The following PLPPR1 variants were observed in gnomAD, a reference collection of about 807,000 sequenced individuals.
PLPPR1 encodes the protein phospholipid phosphatase related 1.
Under a neutral mutation model 33.1 loss-of-function variants are expected in PLPPR1, and 10 were observed. That is an observed-to-expected ratio of 0.30 (90% CI 0.19 to 0.51). PLPPR1 has a LOEUF of 0.51. Among genes scored for constraint, PLPPR1 ranks in the 20% least tolerant of loss-of-function variants. The pLI is 0.97. For missense variants in PLPPR1, 304 were observed against 408.1 expected (o/e 0.74, Z 2.20); for synonymous variants, 151 against 151.0 (o/e 1.00, Z 0.00).
chr9:101,074,611 T>C (rs1426604858), intron 1 of PLPPR1, among the ~76,000 whole-genome samples: 2 of 152,134 alleles, frequency 1.3e-5, no homozygotes, highest in African/African-American at 4.8e-5. Context: ...TCTCTAACTA[T>C]GACTTTGTGC....
chr9:101,050,634 A>G (rs1351174965), intron 1 of PLPPR1, among the ~76,000 whole-genome samples: 1 of 152,196 alleles, frequency 6.6e-6, no homozygotes, highest in African/African-American at 2.4e-5. Flanking sequence ...TGCACCCAGA[A>G]GAGGGAGGAG....
chr9:101,201,753 CAT>C (rs1393155374), intron 2 of PLPPR1, among the ~76,000 whole-genome samples: 1 of 152,110 alleles, frequency 6.6e-6, no homozygotes, highest in Non-Finnish European at 1.5e-5. Flanking sequence ...TTTCTTATCA[CAT>C]AGTTTTATTC....
chr9:101,282,131 A>G (rs1044413052), intron 3 of PLPPR1, among the ~76,000 whole-genome samples: 2 of 152,196 alleles, frequency 1.3e-5, no homozygotes, highest in Non-Finnish European at 2.9e-5. Context: ...ACACAGGTCA[A>G]CATTCCTGAT....
At chr9:101,141,383 T>C (rs1831449430) in intron 1 of PLPPR1, among the ~76,000 whole-genome samples, 1 of 152,202 alleles carries the variant, frequency 6.6e-6, no homozygotes, top group African/African-American at 2.4e-5. Context: ...ATGTGAATTA[T>C]CTTATTTAAT....
chr9:101,299,766 G>C (rs900778653), intron 4 of PLPPR1, among the ~76,000 whole-genome samples: 2 of 152,140 alleles, frequency 1.3e-5, no homozygotes, highest in African/African-American at 2.4e-5. Flanking sequence ...GTAAAACAGT[G>C]TTTCTTACCC....
chr9:101,240,255 A>G (rs1236806787), intron 2 of PLPPR1, among the ~76,000 whole-genome samples: 4 of 151,938 alleles, frequency 2.6e-5, no homozygotes, highest in Non-Finnish European at 5.9e-5. Flanking sequence ...ATTGGTCTGT[A>G]TGTCTGTTTT....
intron 1 of PLPPR1, among the ~76,000 whole-genome samples, chr9:101,039,287 A>T (rs1263084677): frequency 6.6e-6 from 1 of 152,102 alleles, no homozygotes; most frequent in Non-Finnish European, 1.5e-5. Context: ...CCTTACTCTT[A>T]TGAAGTCTCA....
At chr9:101,139,307 C>G (rs1200415125) in intron 1 of PLPPR1, among the ~76,000 whole-genome samples, 1 of 152,118 alleles carries the variant, frequency 6.6e-6, no homozygotes, top group Admixed American at 6.6e-5. Context: ...GCGGTGAGAC[C>G]TGTGAGAGTG....
At chr9:101,239,856 C>T (rs529274164) in intron 2 of PLPPR1, among the ~76,000 whole-genome samples, 1 of 152,182 alleles carries the variant, frequency 6.6e-6, no homozygotes, top group Admixed American at 6.6e-5. Flanking sequence ...GTTCTTCCTT[C>T]ACACTGTTGT....
At chr9:101,265,947 G>A (rs1460283709) in intron 2 of PLPPR1, among the ~76,000 whole-genome samples, 2 of 151,930 alleles carry the variant, frequency 1.3e-5, no homozygotes, top group Non-Finnish European at 2.9e-5. Flanking sequence ...AGTGAGCCGA[G>A]ATTGTGCCAT....
At chr9:101,194,398 T>C (rs1460393850) in intron 2 of PLPPR1, among the ~76,000 whole-genome samples, 2 of 152,170 alleles carry the variant, frequency 1.3e-5, no homozygotes, top group African/African-American at 2.4e-5. Context: ...ATTTGATGCA[T>C]GTAGTTTTCT....
chr9:101,312,080 C>T lies in PLPPR1; in HGVS notation c.637-718C>T, dbSNP rs576638896. Among the ~76,000 whole-genome samples the T allele has an allele frequency of 5.3e-5, 8 of 152,302 alleles. 1 individual carries two copies. In the South Asian group the frequency reaches 1.7e-3, roughly 32 times the overall value. ...AACGTGTATCATCTTTTACTTAGCT[C>T]AGGTCTTCTTGACCTTTTGTATCTT... On this transcript the variant is annotated intron_variant, in intron 5 of 7. Transcript: ENST00000374874.
intron 1 of PLPPR1, among the ~76,000 whole-genome samples, chr9:101,076,321 G>A (rs1476155805): frequency 6.6e-6 from 1 of 152,078 alleles, no homozygotes; most frequent in African/African-American, 2.4e-5. Context: ...GCAAAAGACT[G>A]AAATAATGTG....
At chr9:101,077,630 A>G (rs1338849852) in intron 1 of PLPPR1, among the ~76,000 whole-genome samples, 1 of 152,162 alleles carries the variant, frequency 6.6e-6, no homozygotes, top group Non-Finnish European at 1.5e-5. Flanking sequence ...CTGACTGGAC[A>G]GAGGAGGGAG....
chr9:101,037,854 G>GTTTTTT (rs34419550), intron 1 of PLPPR1, among the ~76,000 whole-genome samples: 5 of 138,774 alleles, frequency 3.6e-5, no homozygotes, highest in Non-Finnish European at 3.1e-5. Context: ...TTTGGGTCTA[G>GTTTTTT]TTTTTTTTTT....
chr9:101,202,836 T>C (rs571968866), intron 2 of PLPPR1, among the ~76,000 whole-genome samples: 29 of 152,316 alleles, frequency 1.9e-4, no homozygotes, highest in African/African-American at 6.7e-4. Context: ...AGGCATTGAA[T>C]TTTGGGTACT....
intron 1 of PLPPR1, among the ~76,000 whole-genome samples, chr9:101,029,845 G>A (rs1016091399): frequency 1.3e-5 from 2 of 152,220 alleles, no homozygotes; most frequent in African/African-American, 2.4e-5. Context: ...CGGCAGCGCT[G>A]GGAGCTGAAC....
At chr9:101,051,009 G>A (rs973614571) in intron 1 of PLPPR1, among the ~76,000 whole-genome samples, 3 of 152,018 alleles carry the variant, frequency 2.0e-5, no homozygotes, top group African/African-American at 4.8e-5. Flanking sequence ...AGGACTTCCC[G>A]AAGATGATCC....
At chr9:101,078,824 A>G (rs1316388598) in intron 1 of PLPPR1, among the ~76,000 whole-genome samples, 1 of 151,886 alleles carries the variant, frequency 6.6e-6, no homozygotes, top group Non-Finnish European at 1.5e-5. Context: ...ACGAAAAAAA[A>G]GTATTCTCAG....
Sources: gnomAD v4.1 joint callset for allele counts (sites outside exome capture counted in the v4.1 genomes callset) on GRCh38, gnomAD v4.1.1 for gene constraint, MANE v1.5 for transcripts, NCBI Gene and HGNC (gene_info 2026-07-23, HGNC 2026-07-21) for gene names.